SLC2A13: variants seen among roughly 807,000 people sequenced by gnomAD.
The protein encoded by SLC2A13 is proton myo-inositol cotransporter.
In SLC2A13, 32 loss-of-function variants were observed where a neutral mutation model predicts 64.4. The ratio of observed to expected loss-of-function variants is 0.50; its 90% CI spans 0.37 to 0.67. The LOEUF (loss-of-function observed/expected upper bound fraction) is 0.67, where lower values mean the gene tolerates loss of function less well. Among genes scored for constraint, SLC2A13 ranks in the 30% least tolerant of loss-of-function variants. The pLI, the probability that SLC2A13 is intolerant of heterozygous loss-of-function variation, is 0.00. For missense variants in SLC2A13, 743 were observed against 829.2 expected (o/e 0.90, Z 1.28); for synonymous variants, 338 against 327.1 (o/e 1.03, Z -0.36).
intron 4 of SLC2A13, among the ~76,000 whole-genome samples, chr12:39,898,057 T>A (rs1427844670): frequency 6.6e-6 from 1 of 152,094 alleles, no homozygotes; most frequent in Non-Finnish European, 1.5e-5. Context: ...CATCATTATA[T>A]TGAGGAGGCT....
intron 3 of SLC2A13, among the ~76,000 whole-genome samples, chr12:39,992,527 T>G (rs1947153866): frequency 6.6e-6 from 1 of 152,202 alleles, no homozygotes; most frequent in South Asian, 2.1e-4. Flanking sequence ...CTTGCTCTAT[T>G]TTGCCACTTT....
intron 4 of SLC2A13, among the ~76,000 whole-genome samples, chr12:39,934,685 G>A (rs1565549552): frequency 6.6e-6 from 1 of 152,094 alleles, no homozygotes; most frequent in Non-Finnish European, 1.5e-5. Flanking sequence ...ATTCTATGCT[G>A]GAAACTAAAG....
rs528063043 is a variant in SLC2A13, at chr12:39,798,870, T to C, written c.1445+31233A>G. On this transcript the variant is annotated intron_variant, in intron 7 of 9. Coordinates refer to ENST00000280871, the MANE Select transcript of SLC2A13 (RefSeq NM_052885.4). ...TATGTTAATGCACTATTATGTATTT[T>C]ATATAATATAAAAATAATTTTATGA... is the stretch of plus-strand genomic sequence containing the variant. Among the ~76,000 whole-genome samples, 196 of 151,976 alleles carry C rather than the reference T, an allele frequency of 1.3e-3. 2 individuals are homozygous for C. Among genetic ancestry groups the C allele is most frequent in the African/African-American group, 4.4e-3 (181 of 41,512 alleles).
intron 4 of SLC2A13, among the ~76,000 whole-genome samples, chr12:39,919,337 T>C (rs1945575536): frequency 1.3e-5 from 2 of 152,122 alleles, no homozygotes; most frequent in African/African-American, 2.4e-5. Context: ...AAACACAGTA[T>C]CTCAATATTG....
intron 3 of SLC2A13, among the ~76,000 whole-genome samples, chr12:40,000,928 G>T (rs1486708289): frequency 6.6e-6 from 1 of 152,144 alleles, no homozygotes; most frequent in Admixed American, 6.5e-5. Context: ...CACTAAAAAA[G>T]GCTAGCTGGC....
chr12:39,810,333 T>G (rs1024920816), intron 7 of SLC2A13, among the ~76,000 whole-genome samples: 1 of 152,230 alleles, frequency 6.6e-6, no homozygotes, highest in African/African-American at 2.4e-5. Context: ...TTGCCAATTG[T>G]TAGTAATAGA....
intron 3 of SLC2A13, among the ~76,000 whole-genome samples, chr12:39,985,263 G>T (rs1284312861): frequency 2.0e-5 from 3 of 151,996 alleles, no homozygotes; most frequent in Non-Finnish European, 4.4e-5. Flanking sequence ...GTGTTAGTTT[G>T]TTAGAATTCT....
Position 39,896,344 on chromosome 12 carries a change from ATATG to A in SLC2A13, c.1035-24387_1035-24384del, listed in dbSNP as rs1351469440. Among the ~76,000 whole-genome samples the A allele has an allele frequency of 3.7e-4, 50 of 134,526 alleles. 1 individual carries two copies. The highest frequency in any genetic ancestry group is 1.2e-3 in the African/African-American group (42 of 34,960). 88.3% of individuals were successfully genotyped at this position (134,526 alleles called of 152,430 possible). On this transcript the variant is annotated intron_variant, in intron 4 of 9. Transcript: ENST00000280871. Reference sequence around the variant, plus strand: ...TGTATATGTGTATATATGTATACATATATGTATGTATATGTGTATATATGTATAC... The same window carrying A: ...TGTATATGTGTATATATGTATACATATATGTATATGTGTATATATGTATAC...
intron 7 of SLC2A13, among the ~76,000 whole-genome samples, chr12:39,812,432 T>TC (rs1942203895): frequency 6.6e-6 from 1 of 150,382 alleles, no homozygotes; most frequent in Non-Finnish European, 1.5e-5. Context: ...CTGCCTTCCT[T>TC]CCTTTTCTTT....
chr12:40,059,947 G>A (rs1028312308), intron 1 of SLC2A13, among the ~76,000 whole-genome samples: 8 of 152,228 alleles, frequency 5.3e-5, no homozygotes, highest in Non-Finnish European at 1.2e-4. Context: ...GAAGGCCAGG[G>A]AGAGAGAGAT....
At chr12:39,793,077 C>A (rs1941460437) in intron 7 of SLC2A13, among the ~76,000 whole-genome samples, 1 of 152,100 alleles carries the variant, frequency 6.6e-6, no homozygotes, top group Non-Finnish European at 1.5e-5. Flanking sequence ...TTACAGTTTG[C>A]AAACACTACC....
chr12:39,920,336 T>G (rs975926899), intron 4 of SLC2A13, among the ~76,000 whole-genome samples: 12 of 152,120 alleles, frequency 7.9e-5, no homozygotes, highest in Non-Finnish European at 1.8e-4. Flanking sequence ...CTGAACAACG[T>G]AGATGCCCAA....
At chr12:40,029,383 C>A (rs1039006229) in intron 2 of SLC2A13, among the ~76,000 whole-genome samples, 1 of 152,156 alleles carries the variant, frequency 6.6e-6, no homozygotes, top group African/African-American at 2.4e-5. Context: ...CATGCATCTA[C>A]GATACCTGAA....
intron 3 of SLC2A13, among the ~76,000 whole-genome samples, chr12:39,955,292 G>T (rs555208154): frequency 1.3e-5 from 2 of 152,242 alleles, no homozygotes. Flanking sequence ...AAAGCTGAAA[G>T]AATCTAAACA....
chr12:39,928,591 C>G (rs1269564318), intron 4 of SLC2A13, among the ~76,000 whole-genome samples: 4 of 152,170 alleles, frequency 2.6e-5, no homozygotes, highest in Admixed American at 6.5e-5. Flanking sequence ...CAGTTACAAA[C>G]TTGCCTGTTT....
chr12:39,842,473 T>A (rs896433673), intron 6 of SLC2A13, among the ~76,000 whole-genome samples: 2 of 152,054 alleles, frequency 1.3e-5, no homozygotes, highest in African/African-American at 4.8e-5. Flanking sequence ...GTGACTAACA[T>A]GTGACACTCT....
chr12:39,897,343 T>G (rs914539539), intron 4 of SLC2A13, among the ~76,000 whole-genome samples: 2 of 152,182 alleles, frequency 1.3e-5, no homozygotes, highest in African/African-American at 4.8e-5. Context: ...CTCCATATTT[T>G]GAAATCTCAC....
At chr12:40,038,087 C>T (rs1948020267) in intron 2 of SLC2A13, among the ~76,000 whole-genome samples, 1 of 152,176 alleles carries the variant, frequency 6.6e-6, no homozygotes, top group Non-Finnish European at 1.5e-5. Context: ...AAACTTAGAT[C>T]ACTGACTTTA....
intron 9 of SLC2A13, among the ~76,000 whole-genome samples, chr12:39,764,225 TG>T (rs1284637430): frequency 6.6e-5 from 10 of 151,974 alleles, no homozygotes; most frequent in African/African-American, 2.2e-4. Context: ...GGAGAGGGGT[TG>T]GGTGACAGCC....
Sources: gnomAD v4.1 joint callset for allele counts (sites outside exome capture counted in the v4.1 genomes callset) on GRCh38, gnomAD v4.1.1 for gene constraint, MANE v1.5 for transcripts, NCBI Gene and HGNC (gene_info 2026-07-23, HGNC 2026-07-21) for gene names.